The following BCL7B variants were observed in gnomAD, a reference collection of about 807,000 sequenced individuals.
The protein encoded by BCL7B is B-cell CLL/lymphoma 7 protein family member B.
In BCL7B, 11 loss-of-function variants were observed where a neutral mutation model predicts 26.5. The ratio of observed to expected loss-of-function variants is 0.42; its 90% CI spans 0.26 to 0.69. BCL7B has a LOEUF of 0.69. BCL7B is among the 30% of genes least tolerant of loss of function. The probability of loss-of-function intolerance (pLI) is 0.28; values close to 1 mark genes in which losing one functional copy is unlikely to be tolerated. For synonymous variants in BCL7B, 111 were observed against 107.9 expected (o/e 1.03, Z -0.18); for missense variants, 215 against 264.4 (o/e 0.81, Z 1.30).
intron 4 of BCL7B, 114 bp downstream of exon 4, chr7:73,539,768 G>C: frequency 8.0e-7 from 1 of 1,245,466 alleles, no homozygotes; most frequent in Non-Finnish European, 1.1e-6. Context: ...AAAGGGCTTG[G>C]TGCTGCCTGG....
At chr7:73,540,543 G>T in intron 3 of BCL7B, 1 of 159,662 alleles carries the variant, frequency 6.3e-6, no homozygotes, top group Non-Finnish European at 1.4e-5. Flanking sequence ...AGAGTTACCA[G>T]GCCGAGGCCA....
At chr7:73,552,395 C>A (rs1447157508) in intron 1 of BCL7B, among the ~76,000 whole-genome samples, 153 bp from the exon 2 acceptor site, 1 of 152,060 alleles carries the variant, frequency 6.6e-6, no homozygotes, top group Non-Finnish European at 1.5e-5. Context: ...CACCTGAAAT[C>A]CCAGCACTTT....
intron 2 of BCL7B, among the ~76,000 whole-genome samples, chr7:73,549,418 C>T (rs1351236427): frequency 1.3e-5 from 2 of 152,180 alleles, no homozygotes; most frequent in Non-Finnish European, 2.9e-5. Flanking sequence ...GTGGCACATG[C>T]CTGTAATCCC....
At chr7:73,538,070 G>C (rs1390250796) in intron 4 of BCL7B, 57 bp from the exon 5 acceptor site, 2 of 1,212,144 alleles carry the variant, frequency 1.6e-6, no homozygotes, top group African/African-American at 3.1e-5. Flanking sequence ...CTGGACCTGG[G>C]GGAGCTTCCT....
At chr7:73,543,735 T>C (rs2115764491) in intron 2 of BCL7B, 91 bp from the exon 3 acceptor site, 1 of 1,041,806 alleles carries the variant, frequency 9.6e-7, no homozygotes, top group South Asian at 1.3e-5. Flanking sequence ...CACAGAGGTC[T>C]GGATTAGGAC....
At chr7:73,537,875 C>T (rs1583983586) in intron 5 of BCL7B, 59 bp downstream of exon 5, 12 of 1,306,948 alleles carry the variant, frequency 9.2e-6, no homozygotes, top group South Asian at 4.3e-5. Flanking sequence ...TGGGCAACAG[C>T]GAGACCCTGC....
At chr7:73,548,789 A>T (rs1327899296) in intron 2 of BCL7B, among the ~76,000 whole-genome samples, 1 of 151,436 alleles carries the variant, frequency 6.6e-6, no homozygotes, top group Non-Finnish European at 1.5e-5. Context: ...AATTAGCCAG[A>T]TGTGGTGGCG....
intron 3 of BCL7B, chr7:73,542,762 G>A: frequency 3.4e-6 from 1 of 293,700 alleles, no homozygotes; most frequent in Non-Finnish European, 7.1e-6. Context: ...TCGGCTTTGG[G>A]TAGCCTACTC....
intron 1 of BCL7B, chr7:73,557,243 C>G: frequency 9.1e-7 from 1 of 1,099,788 alleles, no homozygotes; most frequent in Non-Finnish European, 1.1e-6. Flanking sequence ...GAATCCCCTC[C>G]CAGGCGGCGC....
chr7:73,553,156 C>T lies in BCL7B; in HGVS notation c.93-914G>A, dbSNP rs536274232. Among the ~76,000 whole-genome samples the T allele has an allele frequency of 3.5e-3, 527 of 151,846 alleles. 1 individual carries two copies. The highest frequency in any genetic ancestry group is 0.011 in the African/African-American group (446 of 41,412). ...GTGGGGGGTCTCTCTTTGTTGCCCG[C>T]GCTGGTCTTGAACTCTTGGTCTCAA... On this transcript the variant is annotated intron_variant, in intron 1 of 5. Coordinates refer to ENST00000223368, the MANE Select transcript of BCL7B (RefSeq NM_001707.4).
chr7:73,546,509 T>C (rs950199423), intron 2 of BCL7B, among the ~76,000 whole-genome samples: 1 of 151,634 alleles, frequency 6.6e-6, no homozygotes, highest in Non-Finnish European at 1.5e-5. Context: ...CTACTAAAAA[T>C]AGAAAAAAAT....
intron 4 of BCL7B, among the ~76,000 whole-genome samples, chr7:73,538,422 A>G (rs1268943008): frequency 6.6e-6 from 1 of 152,222 alleles, no homozygotes; most frequent in Non-Finnish European, 1.5e-5. Context: ...GGCATTTCCC[A>G]TGGAGAAACA....
At chr7:73,539,843 C>T (rs782388727) in intron 4 of BCL7B, 39 bp downstream of exon 4, 3 of 1,600,068 alleles carry the variant, frequency 1.9e-6, no homozygotes, top group East Asian at 4.5e-5. Flanking sequence ...GAAAGCAAGG[C>T]CCTTCTAGGA....
In BCL7B at chr7:73,540,048, T is replaced by A. The variant is rs1791697507; in HGVS notation, c.270A>T (p.Glu90Asp). 1 of 1,613,592 alleles carries A rather than the reference T, an allele frequency of 6.2e-7. No individual in the cohort carries two copies. The highest frequency in any genetic ancestry group is 2.2e-5 in the East Asian group (1 of 44,866). ...CAGACACGGAACTCTGGTTGCTGTT[T>A]TCGTCTGAAAACCAAACAGAACAAA... ...NSSLLLEFQDENSNQSSVSDV... is the reference protein window; with the variant it reads ...NSSLLLEFQDDNSNQSSVSDV... The change falls in exon 4 of 6, where the codon GAA (glutamate) becomes GAT (aspartate). Residue 90 changes from glutamate (E) to aspartate (D), a missense_variant. Glu to Asp is a conservative substitution (Grantham distance 45). Coordinates refer to ENST00000223368, the MANE Select transcript of BCL7B (RefSeq NM_001707.4).
rs782567566 is a variant in BCL7B, at chr7:73,542,911, CAAAAAAT to C, written c.265+630_265+636del. The C allele has an allele frequency of 3.0e-4, 130 of 432,388 alleles. No homozygotes were observed. In the Middle Eastern group the frequency reaches 4.5e-3, roughly 15 times the overall value. The allele number at this position is 432,388 out of a possible 1,614,324, so 26.8% of individuals were successfully genotyped here. A position where few individuals can be genotyped will look rare whatever the true frequency, so the allele number is the denominator to read the frequency against. ...ACAACATAGCCAGACTCTGTCTCTACAAAAAATAAAAAATAAAAAATGAAGTACAATC... is the reference window on the plus strand; with the variant it reads ...ACAACATAGCCAGACTCTGTCTCTACAAAAAATAAAAAATGAAGTACAATC... On this transcript the variant is annotated intron_variant, in intron 3 of 5. Coordinates refer to ENST00000223368, the MANE Select transcript of BCL7B (RefSeq NM_001707.4).
Position 73,537,209 on chromosome 7 carries a change from T to C in BCL7B, c.*89A>G. On this transcript the variant is annotated 3_prime_UTR_variant, in exon 6 of 6. Coordinates refer to ENST00000223368, the MANE Select transcript of BCL7B (RefSeq NM_001707.4). ...CATGTGTGCAGGCTCTTGACCCCAG[T>C]GCTTGCCCTTACCCCAGCAACGCGG... The C allele has an allele frequency of 3.0e-6, 4 of 1,312,452 alleles. No homozygotes were observed. The highest frequency in any genetic ancestry group is 4.4e-6 in the Non-Finnish European group (4 of 918,980). The allele number at this position is 1,312,452 out of a possible 1,614,324, so 81.3% of individuals were successfully genotyped here.
rs1211746567 is a variant in BCL7B at position 73,557,377 on chromosome 7, C to T, written c.92+110G>A. On this transcript the variant is annotated intron_variant, in intron 1 of 5. Coordinates refer to ENST00000223368, the MANE Select transcript of BCL7B (RefSeq NM_001707.4). The stretch of plus-strand genomic sequence containing the variant: ...CGCCCTCCTCCCGCCTTCTCCCGCA[C>T]CCCCCTCCCCCAGCGCCGGCCGGTC... 6 of 1,161,194 alleles carry T rather than the reference C, an allele frequency of 5.2e-6. No homozygotes were observed. In the South Asian group the frequency reaches 2.5e-4, roughly 48 times the overall value. The allele number at this position is 1,161,194 out of a possible 1,614,324, so 71.9% of individuals were successfully genotyped here. A position where few individuals can be genotyped will look rare whatever the true frequency, so the allele number is the denominator to read the frequency against.
Position 73,538,798 on chromosome 7 carries a change from G to GC in BCL7B, c.437-786dup, listed in dbSNP as rs1416913406. Among the ~76,000 whole-genome samples, 4 of 126,400 alleles carry GC rather than the reference G, an allele frequency of 3.2e-5. 1 individual carries two copies. The South Asian group carries it at 9.8e-4, about 31-fold the overall frequency. The allele number at this position is 126,400 out of a possible 152,430, so 82.9% of individuals were successfully genotyped here. A position where few individuals can be genotyped will look rare whatever the true frequency, so the allele number is the denominator to read the frequency against. ...ACTGCATTCTAGCCTGGGCAACAGAGCAAGACCCTATCTCTTTAAAAAAAA... is the reference window on the plus strand; with the variant it reads ...ACTGCATTCTAGCCTGGGCAACAGAGCCAAGACCCTATCTCTTTAAAAAAAA... On this transcript the variant is annotated intron_variant, in intron 4 of 5. Coordinates refer to ENST00000223368, the MANE Select transcript of BCL7B (RefSeq NM_001707.4).
intron 3 of BCL7B, among the ~76,000 whole-genome samples, chr7:73,543,179 CTTT>C (rs367675475): frequency 2.8e-5 from 4 of 142,188 alleles, no homozygotes; most frequent in Admixed American, 7.1e-5. Context: ...ACACAGAATT[CTTT>C]TTTTTTTTTT....
Sources: gnomAD v4.1 joint callset for allele counts (sites outside exome capture counted in the v4.1 genomes callset) on GRCh38, gnomAD v4.1.1 for gene constraint, MANE v1.5 for transcripts, NCBI Gene and HGNC (gene_info 2026-07-23, HGNC 2026-07-21) for gene names.